PRKN: variants seen among roughly 807,000 people sequenced by gnomAD.
PRKN encodes the protein parkin RBR E3 ubiquitin protein ligase.
A neutral mutation model predicts 59.5 loss-of-function variants in PRKN; 56 were observed. That is an observed-to-expected ratio of 0.94 (90% CI 0.76 to 1.18). The LOEUF (loss-of-function observed/expected upper bound fraction) is 1.18. Ranked by LOEUF, PRKN falls within the 50% of genes most tolerant of loss-of-function variation. PRKN has a pLI of 0.00. For synonymous variants in PRKN, 250 were observed against 222.1 expected (o/e 1.13, Z -1.12); for missense variants, 657 against 596.4 (o/e 1.10, Z -1.06).
chr6:161,408,378 G>A (rs559085098), intron 9 of PRKN, among the ~76,000 whole-genome samples: 2 of 150,022 alleles, frequency 1.3e-5, no homozygotes, highest in African/African-American at 4.9e-5. Flanking sequence ...TTGCGGACAT[G>A]TGGGTTTGCG....
At chr6:161,856,784 G>A (rs1410215284) in intron 6 of PRKN, among the ~76,000 whole-genome samples, 6 of 152,016 alleles carry the variant, frequency 3.9e-5, no homozygotes, top group East Asian at 3.9e-4. Flanking sequence ...CTTGCTTCCC[G>A]CTACTCAAGA....
chr6:162,334,487 T>C (rs1783743027), intron 2 of PRKN, among the ~76,000 whole-genome samples: 2 of 152,198 alleles, frequency 1.3e-5, no homozygotes, highest in South Asian at 4.1e-4. Flanking sequence ...CACATCTGTT[T>C]ACAGTGTGTT....
At chr6:161,629,746 G>C (rs774407760) in intron 7 of PRKN, among the ~76,000 whole-genome samples, 8 of 152,144 alleles carry the variant, frequency 5.3e-5, no homozygotes, top group Non-Finnish European at 1.2e-4. Flanking sequence ...TTGATCTTCA[G>C]GAAGATGCTG....
chr6:162,539,203 G>A (rs548158243), intron 1 of PRKN, among the ~76,000 whole-genome samples: 12 of 151,780 alleles, frequency 7.9e-5, no homozygotes, highest in Non-Finnish European at 1.2e-4. Flanking sequence ...TTTAATTAAC[G>A]AGAATGAATG....
chr6:162,431,474 C>T (rs973165805), intron 2 of PRKN, among the ~76,000 whole-genome samples: 1 of 151,986 alleles, frequency 6.6e-6, no homozygotes, highest in Non-Finnish European at 1.5e-5. Flanking sequence ...ATTGCTTGAA[C>T]TGAGACCCAG....
intron 9 of PRKN, among the ~76,000 whole-genome samples, chr6:161,491,153 G>A (rs568444877): frequency 3.9e-5 from 6 of 152,108 alleles, no homozygotes; most frequent in Non-Finnish European, 8.8e-5. Flanking sequence ...CTTTAGAGTC[G>A]AGCACTTTCA....
At chr6:162,034,180 T>TAGAGAGAG (rs1417118689) in intron 5 of PRKN, among the ~76,000 whole-genome samples, 38 of 122,822 alleles carry the variant, frequency 3.1e-4, no homozygotes, top group African/African-American at 1.3e-3. Flanking sequence ...TATATATATA[T>TAGAGAGAG]ATATATAGAG....
Position 162,199,242 on chromosome 6 carries a change from A to T in PRKN, c.534+1889T>A, listed in dbSNP as rs573054432. On this transcript the variant is annotated intron_variant, in intron 4 of 11. Transcript: ENST00000366898. ...AAAAAAAAAAAAAGCTGAAAAGCTA[A>T]AGGAGTTAAATGTTTAGATTAGACA... Among the ~76,000 whole-genome samples the T allele has an allele frequency of 5.3e-5, 8 of 152,220 alleles. 1 individual carries two copies. The highest frequency in any genetic ancestry group is 1.9e-4 in the African/African-American group (8 of 41,546).
At chr6:161,670,462 T>C (rs2128168695) in intron 7 of PRKN, among the ~76,000 whole-genome samples, 1 of 152,272 alleles carries the variant, frequency 6.6e-6, no homozygotes, top group African/African-American at 2.4e-5. Flanking sequence ...TTCCGATCTC[T>C]GCCTCTGTAT....
chr6:161,762,873 A>C (rs1789259054), intron 7 of PRKN, among the ~76,000 whole-genome samples: 1 of 152,170 alleles, frequency 6.6e-6, no homozygotes, highest in African/African-American at 2.4e-5. Context: ...CTTTCCTGTA[A>C]CATTCTAGAA....
chr6:161,800,251 A>G (rs1791024495), intron 6 of PRKN, among the ~76,000 whole-genome samples: 1 of 152,068 alleles, frequency 6.6e-6, no homozygotes, highest in East Asian at 1.9e-4. Flanking sequence ...CAGGTAGACA[A>G]TATGTTTGGG....
At chr6:161,516,593 C>T (rs990309008) in intron 9 of PRKN, among the ~76,000 whole-genome samples, 3 of 150,084 alleles carry the variant, frequency 2.0e-5, no homozygotes, top group Non-Finnish European at 3.0e-5. Flanking sequence ...TTTGGGAGGC[C>T]GAGACTGGTG....
rs1781393468 is a variant in PRKN, at chr6:161,582,929, C to T, written c.872-13513G>A. ...ACTATGGGAGCCCTTGTGCCAGTGA[C>T]TAAATTCCAACCAGCATCTTTCCAG... On this transcript the variant is annotated intron_variant, in intron 7 of 11. Coordinates refer to ENST00000366898, the MANE Select transcript of PRKN (RefSeq NM_004562.3). This position sits in a 1 kb window ranked among gnomAD's most constrained non-coding sequence, Gnocchi z 4.4. Among the ~76,000 whole-genome samples, 1 of 149,436 alleles carries T rather than the reference C, an allele frequency of 6.7e-6. No homozygotes were observed. Among genetic ancestry groups the T allele is most frequent in the African/African-American group, 2.4e-5 (1 of 40,842 alleles).
intron 2 of PRKN, among the ~76,000 whole-genome samples, chr6:162,263,752 G>A (rs1431831846): frequency 1.3e-5 from 2 of 151,754 alleles, no homozygotes; most frequent in African/African-American, 2.4e-5. Flanking sequence ...TCAGGAGTTC[G>A]AGAAGAGCCT....
chr6:162,587,908 C>T (rs1781128497), intron 1 of PRKN, among the ~76,000 whole-genome samples: 1 of 151,846 alleles, frequency 6.6e-6, no homozygotes, highest in South Asian at 2.1e-4. Context: ...ATACATCTTT[C>T]ATAACTTGGC....
chr6:161,693,818 A>G (rs1785905316), intron 7 of PRKN, among the ~76,000 whole-genome samples: 1 of 152,244 alleles, frequency 6.6e-6, no homozygotes, highest in Non-Finnish European at 1.5e-5. Flanking sequence ...CCAAAGTTTC[A>G]AATGGATAAA....
At chr6:161,684,163 T>C (rs1162914578) in intron 7 of PRKN, among the ~76,000 whole-genome samples, 1 of 152,206 alleles carries the variant, frequency 6.6e-6, no homozygotes, top group Non-Finnish European at 1.5e-5. Flanking sequence ...TGGTCTAAGA[T>C]TGTTTACAAA....
At chr6:161,609,730 A>C in intron 7 of PRKN, among the ~76,000 whole-genome samples, 1 of 152,178 alleles carries the variant, frequency 6.6e-6, no homozygotes, top group East Asian at 1.9e-4. Context: ...AAGATCTACT[A>C]ACAGGCAGGT....
chr6:161,860,844 G>T (rs12200172), intron 6 of PRKN, among the ~76,000 whole-genome samples: 37 of 152,236 alleles, frequency 2.4e-4, no homozygotes, highest in Non-Finnish European at 1.8e-4. Context: ...CATCATCACT[G>T]GTCATTAGAG....
Sources: allele counts gnomAD v4.1 joint callset (sites outside exome capture counted in the v4.1 genomes callset), GRCh38; gene constraint gnomAD v4.1.1; non-coding constraint Gnocchi (gnomAD v3.1); transcripts MANE v1.5; gene names NCBI Gene and HGNC (gene_info 2026-07-23, HGNC 2026-07-21).